DENND1A: variants seen among roughly 807,000 people sequenced by gnomAD.
DENND1A encodes the protein DENN domain-containing protein 1A.
DENND1A carries 51 observed loss-of-function variants against 113.7 expected under a neutral mutation model. The observed-to-expected ratio is 0.45, with a 90% CI of 0.36 to 0.57. The LOEUF (loss-of-function observed/expected upper bound fraction) is 0.57, where lower values mean the gene tolerates loss of function less well. Ranked by LOEUF, DENND1A falls within the 20% of genes least tolerant of loss-of-function variation. The pLI is 0.00. For synonymous variants in DENND1A, 565 were observed against 570.8 expected, an observed-to-expected ratio of 0.99 and a Z score of 0.14; for missense variants, 1,258 against 1,395.9, an observed-to-expected ratio of 0.90 and a Z score of 1.57.
chr9:123,910,724 G>A (rs1213213986), intron 1 of DENND1A, among the ~76,000 whole-genome samples: 1 of 152,196 alleles, frequency 6.6e-6, no homozygotes, highest in Non-Finnish European at 1.5e-5. Context: ...CAGATCATTT[G>A]AGGTCAGGAG....
intron 13 of DENND1A, among the ~76,000 whole-genome samples, chr9:123,511,373 A>G (rs1376071681): frequency 2.6e-5 from 4 of 152,270 alleles, no homozygotes; most frequent in African/African-American, 9.6e-5. Flanking sequence ...TCAGGCACAG[A>G]GTCAGTGCTC....
At chr9:123,638,628 A>T (rs1269151892) in intron 9 of DENND1A, among the ~76,000 whole-genome samples, 2 of 151,888 alleles carry the variant, frequency 1.3e-5, no homozygotes, top group East Asian at 3.9e-4. Context: ...CGCCCAGCTA[A>T]TTTTTGTGTT....
At chr9:123,473,207 A>T (rs1191134206) in intron 13 of DENND1A, among the ~76,000 whole-genome samples, 2 of 152,206 alleles carry the variant, frequency 1.3e-5, no homozygotes, top group African/African-American at 4.8e-5. Flanking sequence ...AGGCAACAGG[A>T]ACATTTCTGA....
chr9:123,624,201 G>A (rs2061093206), intron 10 of DENND1A, among the ~76,000 whole-genome samples: 1 of 152,210 alleles, frequency 6.6e-6, no homozygotes, highest in African/African-American at 2.4e-5. Flanking sequence ...ATCATCTGCA[G>A]AGTAGCAAAC....
At chr9:123,748,104 C>T (rs2069676191) in intron 5 of DENND1A, among the ~76,000 whole-genome samples, 1 of 152,134 alleles carries the variant, frequency 6.6e-6, no homozygotes, top group South Asian at 2.1e-4. Flanking sequence ...AGCTTCTTTC[C>T]TTGTATTATA....
At chr9:123,490,030 C>G (rs751996574) in intron 13 of DENND1A, among the ~76,000 whole-genome samples, 20 of 152,146 alleles carry the variant, frequency 1.3e-4, no homozygotes, top group Non-Finnish European at 2.1e-4. Context: ...CTGAAACTAA[C>G]AAGTTGAGGT....
At chr9:123,885,260 T>C (rs1848896247) in intron 1 of DENND1A, among the ~76,000 whole-genome samples, 1 of 152,206 alleles carries the variant, frequency 6.6e-6, no homozygotes, top group Non-Finnish European at 1.5e-5. Context: ...ACTTTTTAAT[T>C]CCTAAACTTA....
intron 19 of DENND1A, among the ~76,000 whole-genome samples, chr9:123,430,599 A>G (rs944801042): frequency 1.3e-5 from 2 of 152,228 alleles, no homozygotes; most frequent in African/African-American, 4.8e-5. Context: ...GCACATTCTC[A>G]CTTACAAGTG....
intron 13 of DENND1A, among the ~76,000 whole-genome samples, chr9:123,483,347 G>A (rs536543425): frequency 6.6e-6 from 1 of 152,302 alleles, no homozygotes; most frequent in African/African-American, 2.4e-5. Context: ...AGAGATGCTG[G>A]GGGGCCATGC....
At chr9:123,737,103 A>G (rs2068621607) in intron 5 of DENND1A, among the ~76,000 whole-genome samples, 1 of 152,200 alleles carries the variant, frequency 6.6e-6, no homozygotes, top group African/African-American at 2.4e-5. Context: ...TAAAATTATT[A>G]TTGTGCTAGG....
intron 5 of DENND1A, among the ~76,000 whole-genome samples, chr9:123,749,879 G>A (rs1328077177): frequency 6.6e-6 from 1 of 152,144 alleles, no homozygotes; most frequent in African/African-American, 2.4e-5. Context: ...AACAGAGAAA[G>A]TATCACATCT....
intron 5 of DENND1A, among the ~76,000 whole-genome samples, chr9:123,695,052 CTACAACT>C (rs1382233820): frequency 6.6e-6 from 1 of 152,116 alleles, no homozygotes; most frequent in African/African-American, 2.4e-5. Flanking sequence ...GCCTCCCAGC[CTACAACT>C]TACTCTCATG....
rs566006239 is a variant in DENND1A at position 123,836,178 on chromosome 9, T to C, written c.88+42773A>G. On this transcript the variant is annotated intron_variant, in intron 2 of 23. Coordinates refer to ENST00000394215, the MANE Select transcript of DENND1A (RefSeq NM_001352964.2). ...CTGTTAGCAGATTACAGTAGGGTGC[T>C]ATCTGTTGATTTTGAACAAAATTTA... 3.3e-5 allele frequency among the ~76,000 whole-genome samples: 5 copies of C among 152,338 alleles called. No homozygotes were observed. In the East Asian group the frequency reaches 9.6e-4, roughly 29 times the overall value.
At chr9:123,602,325 T>C (rs1244459008) in intron 11 of DENND1A, among the ~76,000 whole-genome samples, 2 of 152,210 alleles carry the variant, frequency 1.3e-5, no homozygotes, top group Non-Finnish European at 2.9e-5. Context: ...TATACAAAAA[T>C]AGCCAATACC....
intron 9 of DENND1A, among the ~76,000 whole-genome samples, chr9:123,640,684 T>C (rs1452129765): frequency 2.6e-5 from 4 of 152,234 alleles, no homozygotes; most frequent in African/African-American, 7.2e-5. Context: ...GAGTGAATAG[T>C]GCGCCCAGTG....
chr9:123,553,786 T>C (rs138078719), intron 13 of DENND1A, among the ~76,000 whole-genome samples: 27 of 152,254 alleles, frequency 1.8e-4, no homozygotes, highest in Admixed American at 4.6e-4. Context: ...TAAGAGTTAG[T>C]CTTGCTCTGT....
At chr9:123,663,434 C>T (rs993709803) in intron 8 of DENND1A, among the ~76,000 whole-genome samples, 2 of 151,978 alleles carry the variant, frequency 1.3e-5, no homozygotes, top group South Asian at 2.1e-4. Context: ...TTTCGTTCAC[C>T]GCCATAAAAG....
intron 4 of DENND1A, among the ~76,000 whole-genome samples, chr9:123,766,784 T>A (rs1828889663): frequency 6.6e-6 from 1 of 152,238 alleles, no homozygotes; most frequent in Non-Finnish European, 1.5e-5. Context: ...TTTGAAAAGC[T>A]ACTGGCTTTA....
At chr9:123,419,635 G>A (rs1042811265) in intron 19 of DENND1A, among the ~76,000 whole-genome samples, 4 of 152,216 alleles carry the variant, frequency 2.6e-5, no homozygotes, top group Admixed American at 6.5e-5. Context: ...CCTCTGCGCC[G>A]AGAGCAAGGC....
Sources: gnomAD v4.1 joint callset for allele counts (sites outside exome capture counted in the v4.1 genomes callset) on GRCh38, gnomAD v4.1.1 for gene constraint, MANE v1.5 for transcripts, NCBI Gene and HGNC (gene_info 2026-07-23, HGNC 2026-07-21) for gene names.